Variants in NBAS observed in about 807,000 individuals in gnomAD.
The protein encoded by NBAS is NBAS subunit of NRZ tethering complex.
Under a neutral mutation model 302.5 loss-of-function variants are expected in NBAS, and 219 were observed. The ratio of observed to expected loss-of-function variants is 0.72; its 90% CI spans 0.65 to 0.81. NBAS has a LOEUF of 0.81. Among genes scored for constraint, NBAS ranks in the 30% least tolerant of loss-of-function variants. NBAS has a pLI of 0.00. For synonymous variants in NBAS, 1,118 were observed against 1,021.6 expected (o/e 1.09, Z -1.80); for missense variants, 2,932 against 2,841.6 (o/e 1.03, Z -0.72).
chr2:15,057,183 A>G, the NBAS span, among the ~76,000 whole-genome samples: 1 of 152,056 alleles, frequency 6.6e-6, no homozygotes, highest in Non-Finnish European at 1.5e-5. Flanking sequence ...CTGTGGCCTC[A>G]GCCTGGCTGT....
chr2:15,536,387 T>A, intron 8 of NBAS, 31 bp downstream of exon 8: 1 of 1,608,466 alleles, frequency 6.2e-7, no homozygotes, highest in Non-Finnish European at 8.5e-7. Context: ...TAAACATTAT[T>A]TCAAATATGG....
chr2:15,517,552 T>G (rs1289972913), intron 9 of NBAS, among the ~76,000 whole-genome samples: 1 of 152,144 alleles, frequency 6.6e-6, no homozygotes. Flanking sequence ...CACACACACA[T>G]AAACATACAT....
At chr2:14,891,654 C>T in the NBAS span, among the ~76,000 whole-genome samples, 3 of 152,204 alleles carry the variant, frequency 2.0e-5, no homozygotes, top group Admixed American at 6.5e-5. Flanking sequence ...TGGAGTAGTC[C>T]AAACATTCAC....
the NBAS span, among the ~76,000 whole-genome samples, chr2:15,074,686 CA>C: frequency 9.2e-5 from 14 of 151,760 alleles, no homozygotes; most frequent in East Asian, 2.3e-3. Context: ...AACCAAAAGA[CA>C]AATAAAGATC....
chr2:15,549,270 T>C (rs150929521), intron 6 of NBAS, among the ~76,000 whole-genome samples: 2 of 152,294 alleles, frequency 1.3e-5, no homozygotes, highest in East Asian at 3.9e-4. Context: ...CCTGCTAGAA[T>C]AGTGTTTTTT....
chr2:15,146,037 T>C, the NBAS span, among the ~76,000 whole-genome samples: 1 of 152,122 alleles, frequency 6.6e-6, no homozygotes, highest in Admixed American at 6.5e-5. Flanking sequence ...GTGTTGAGAA[T>C]GAGTAAAACA....
chr2:15,519,674 G>A (rs948203271), intron 9 of NBAS, among the ~76,000 whole-genome samples: 1 of 152,030 alleles, frequency 6.6e-6, no homozygotes, highest in Non-Finnish European at 1.5e-5. Context: ...CAAACTCCTA[G>A]GTGCAAATGA....
chr2:15,480,695 A>G (rs1353923956), intron 12 of NBAS, among the ~76,000 whole-genome samples: 1 of 152,208 alleles, frequency 6.6e-6, no homozygotes, highest in Non-Finnish European at 1.5e-5. Context: ...AGTCAGGAAA[A>G]TACAAAGTTT....
At chr2:15,072,528 C>A in the NBAS span, among the ~76,000 whole-genome samples, 1 of 152,078 alleles carries the variant, frequency 6.6e-6, no homozygotes, top group African/African-American at 2.4e-5. Flanking sequence ...CCATTTAATT[C>A]TTTGAAATTT....
chr2:15,328,366 G>T, intron 36 of NBAS, 54 bp from the exon 37 acceptor site: 2 of 1,433,244 alleles, frequency 1.4e-6, no homozygotes, highest in East Asian at 2.3e-5. Context: ...AAGGCAAGGA[G>T]GTAGAAGAAG....
At chr2:14,929,608 C>T in the NBAS span, among the ~76,000 whole-genome samples, 1 of 152,282 alleles carries the variant, frequency 6.6e-6, no homozygotes, top group Non-Finnish European at 1.5e-5. Flanking sequence ...GAGCTCCTGA[C>T]CTCAGATGAT....
chr2:14,871,228 G>GA, the NBAS span, among the ~76,000 whole-genome samples: 21 of 142,924 alleles, frequency 1.5e-4, no homozygotes, highest in East Asian at 1.2e-3. Flanking sequence ...TGAGGGAAGA[G>GA]AAAAAAAAAA....
the NBAS span, among the ~76,000 whole-genome samples, chr2:14,813,157 T>C: frequency 6.6e-6 from 1 of 152,122 alleles, no homozygotes; most frequent in Admixed American, 6.5e-5. Flanking sequence ...TTTATAGCAG[T>C]GTGAGAATGA....
intron 35 of NBAS, among the ~76,000 whole-genome samples, chr2:15,340,317 C>G (rs4668897): frequency 0.78 from 117,937 of 152,000 alleles, 46,916 homozygotes; most frequent in African/African-American, 0.91. Context: ...TGGGTCAGCA[C>G]GATGTCCCAA....
intron 47 of NBAS, among the ~76,000 whole-genome samples, chr2:15,221,069 A>G (rs1049316664): frequency 6.6e-6 from 1 of 152,222 alleles, no homozygotes; most frequent in Non-Finnish European, 1.5e-5. Flanking sequence ...TTTACCTATA[A>G]GATTCCTAAA....
Position 15,525,960 on chromosome 2 carries a change from T to C in NBAS, c.746+8583A>G, listed in dbSNP as rs151045373. On this transcript the variant is annotated intron_variant, in intron 9 of 51. Transcript: ENST00000281513. ...GACTGTGTGATTCCCAGATAGGGTA[T>C]AAACTCCTACAGGACAGGTACTACA... Among the ~76,000 whole-genome samples the C allele has an allele frequency of 4.8e-3, 725 of 152,236 alleles. 8 individuals carry two copies. Among genetic ancestry groups the C allele is most frequent in the African/African-American group, 0.016 (673 of 41,548 alleles).
chr2:14,923,738 G>T, the NBAS span, among the ~76,000 whole-genome samples: 1 of 152,316 alleles, frequency 6.6e-6, no homozygotes, highest in East Asian at 1.9e-4. Context: ...ATTCTGAGGA[G>T]TGAGAAGTGA....
chr2:15,391,378 T>TTAA (rs398104057), intron 28 of NBAS, among the ~76,000 whole-genome samples: 2 of 145,048 alleles, frequency 1.4e-5, no homozygotes, highest in African/African-American at 5.1e-5. Context: ...TCTTAGAGAT[T>TTAA]AAAAAAAAAA....
At chr2:15,118,022 C>A in the NBAS span, among the ~76,000 whole-genome samples, 1 of 152,334 alleles carries the variant, frequency 6.6e-6, no homozygotes, top group African/African-American at 2.4e-5. Flanking sequence ...AGAGCATCCC[C>A]TGTGTTTATC....
Sources: allele counts gnomAD v4.1 joint callset (sites outside exome capture counted in the v4.1 genomes callset), GRCh38; gene constraint gnomAD v4.1.1; transcripts MANE v1.5; gene names NCBI Gene and HGNC (gene_info 2026-07-23, HGNC 2026-07-21).